The following PYY variants were observed in gnomAD, a reference collection of about 807,000 sequenced individuals.
PYY encodes the protein peptide tyrosine tyrosine.
PYY carries 12 observed loss-of-function variants against 10.3 expected under a neutral mutation model. That is an observed-to-expected ratio of 1.17 (90% CI 0.75 to 1.89). The LOEUF is 1.89. Ranked by LOEUF, PYY falls within the 40% of genes most tolerant of loss-of-function variation. The pLI, the probability that PYY is intolerant of heterozygous loss-of-function variation, is 0.00. For synonymous variants in PYY, 66 were observed against 62.0 expected, an observed-to-expected ratio of 1.06 and a Z score of -0.30; for missense variants, 141 against 134.0, an observed-to-expected ratio of 1.05 and a Z score of -0.26.
At chr17:43,992,759 G>A (rs919658097) in intron 1 of PYY, among the ~76,000 whole-genome samples, 3 of 152,068 alleles carry the variant, frequency 2.0e-5, no homozygotes, top group Non-Finnish European at 2.9e-5. Flanking sequence ...GGTGGCAGGC[G>A]CCTGTAATCC....
intron 1 of PYY, among the ~76,000 whole-genome samples, chr17:44,002,031 G>A (rs1023883680): frequency 6.6e-6 from 1 of 152,198 alleles, no homozygotes; most frequent in South Asian, 2.1e-4. Flanking sequence ...AGTAAAGAGG[G>A]AAGAGAAAGA....
At chr17:43,966,816 T>C (rs58895551) in intron 1 of PYY, among the ~76,000 whole-genome samples, 1 of 152,216 alleles carries the variant, frequency 6.6e-6, no homozygotes, top group Non-Finnish European at 1.5e-5. Context: ...GAATAATGTG[T>C]GATACATGGT....
In PYY at chr17:43,976,276, T is replaced by TATACACATATGTATACATGTATAC. The variant is rs1217188677; in HGVS notation, c.-462-9745_-462-9744insGTATACATGTATACATATGTGTAT. 2.0e-3 allele frequency among the ~76,000 whole-genome samples: 289 copies of TATACACATATGTATACATGTATAC among 146,262 alleles called. 22 individuals are homozygous for TATACACATATGTATACATGTATAC. The highest frequency in any genetic ancestry group is 2.9e-3 in the Non-Finnish European group (191 of 66,846). On this transcript the variant is annotated intron_variant, in intron 1 of 6. Coordinates refer to the PYY transcript ENST00000360085. ...ATGTATACATGTATACATGTACGTATATATACGCATATGTATACATGTATA... is the reference window on the plus strand; with the variant it reads ...ATGTATACATGTATACATGTACGTATATACACATATGTATACATGTATACATATACGCATATGTATACATGTATA...
rs191121073 is a variant in PYY at position 43,967,672 on chromosome 17, C to T, written c.-462-1140G>A. Among the ~76,000 whole-genome samples, 66 of 152,328 alleles carry T rather than the reference C, an allele frequency of 4.3e-4. No individual in the cohort carries two copies. In the South Asian group the frequency reaches 0.011, roughly 26 times the overall value. On this transcript the variant is annotated intron_variant, in intron 1 of 6. Transcript: ENST00000360085. ...GATGAGATGGAGTAAGCAGCCTCCA[C>T]CCTGTCTCTCCTGCTGAATGCTGCT...
At chr17:43,999,314 C>T (rs187904835) in intron 1 of PYY, among the ~76,000 whole-genome samples, 7 of 151,906 alleles carry the variant, frequency 4.6e-5, no homozygotes, top group Non-Finnish European at 8.8e-5. Context: ...TAAGGGAGAA[C>T]GAGAGGGAGG....
At chr17:43,968,229 T>C (rs1206091272) in intron 1 of PYY, among the ~76,000 whole-genome samples, 4 of 152,080 alleles carry the variant, frequency 2.6e-5, no homozygotes, top group African/African-American at 9.7e-5. Context: ...AAAACAGTTG[T>C]AGTCCCAAGA....
At chr17:43,979,189 A>G (rs1198276994) in intron 1 of PYY, among the ~76,000 whole-genome samples, 1 of 152,234 alleles carries the variant, frequency 6.6e-6, no homozygotes, top group East Asian at 1.9e-4. Flanking sequence ...CAGCAGCAGC[A>G]TCACTTGGCG....
chr17:43,968,739 G>T (rs1348953038), intron 1 of PYY, among the ~76,000 whole-genome samples: 1 of 152,152 alleles, frequency 6.6e-6, no homozygotes, highest in East Asian at 1.9e-4. Context: ...TTGAACCCAG[G>T]AGGCAGACGT....
chr17:43,959,527 C>T (rs866157586), intron 2 of PYY, among the ~76,000 whole-genome samples: 1 of 152,076 alleles, frequency 6.6e-6, no homozygotes, highest in Admixed American at 6.5e-5. Flanking sequence ...ACTAAAAATA[C>T]AAAAATTAGC....
chr17:43,983,961 G>T (rs953558112), intron 1 of PYY, among the ~76,000 whole-genome samples: 1 of 152,230 alleles, frequency 6.6e-6, no homozygotes, highest in African/African-American at 2.4e-5. Flanking sequence ...CCAGCGGGGC[G>T]CAGCGGTCGC....
upstream of PYY, among the ~76,000 whole-genome samples, chr17:43,958,623 G>A (rs948140640): frequency 3.3e-5 from 5 of 152,100 alleles, no homozygotes; most frequent in African/African-American, 9.7e-5. Flanking sequence ...CAAGTGATCC[G>A]CCTGCCTTGG....
intron 1 of PYY, 111 bp from the exon 2 acceptor site, chr17:43,953,594 G>T: frequency 9.5e-7 from 1 of 1,052,308 alleles, no homozygotes; most frequent in Non-Finnish European, 1.3e-6. Context: ...GGCTGGTACC[G>T]GACCAAGGCT....
At chr17:43,982,466 T>C (rs1255474599) in intron 1 of PYY, among the ~76,000 whole-genome samples, 1 of 152,238 alleles carries the variant, frequency 6.6e-6, no homozygotes, top group African/African-American at 2.4e-5. Flanking sequence ...GTGTGAACCA[T>C]GCCCCTAGAT....
chr17:43,969,287 G>A (rs1405512493), intron 1 of PYY, among the ~76,000 whole-genome samples: 5 of 151,694 alleles, frequency 3.3e-5, no homozygotes, highest in African/African-American at 7.3e-5. Flanking sequence ...AGGCCGAGGC[G>A]GGTGGATCAC....
intron 1 of PYY, among the ~76,000 whole-genome samples, chr17:43,967,724 G>A (rs1406307425): frequency 6.6e-6 from 1 of 152,202 alleles, no homozygotes. Flanking sequence ...CACGCACGGG[G>A]CAGCTCTCTG....
intron 2 of PYY, among the ~76,000 whole-genome samples, chr17:43,963,476 C>G (rs2048726106): frequency 6.9e-6 from 1 of 145,910 alleles, no homozygotes; most frequent in African/African-American, 2.5e-5. Flanking sequence ...CCATTGCACT[C>G]CAGCCTGGGC....
chr17:43,969,512 T>C (rs1663370302), intron 1 of PYY, among the ~76,000 whole-genome samples: 1 of 61,086 alleles, frequency 1.6e-5, no homozygotes, highest in African/African-American at 6.5e-5. Flanking sequence ...CAAGACTCTG[T>C]CTCAAAAAAA....
In PYY at chr17:43,953,932, G is replaced by C. The variant is rs1423373917; in HGVS notation, c.-83C>G. Reference sequence around the variant, plus strand: ...CTGCACTGCCGCAGGTCAAGCTGAGGCCTCCTCTGCTCAGCGCTTTCCTTG... The same window carrying C: ...CTGCACTGCCGCAGGTCAAGCTGAGCCCTCCTCTGCTCAGCGCTTTCCTTG... On this transcript the variant is annotated 5_prime_UTR_variant, in exon 1 of 4. Transcript: ENST00000692052. The C allele has an allele frequency of 6.4e-6, 1 of 157,284 alleles. No individual in the cohort carries two copies. The highest frequency in any genetic ancestry group is 1.4e-5 in the Non-Finnish European group (1 of 70,272). 9.7% of individuals were successfully genotyped at this position (157,284 alleles called of 1,614,324 possible). A position where few individuals can be genotyped will look rare whatever the true frequency, so the allele number is the denominator to read the frequency against.
intron 1 of PYY, among the ~76,000 whole-genome samples, chr17:43,970,693 C>A (rs1220665613): frequency 2.6e-5 from 4 of 152,178 alleles, no homozygotes; most frequent in African/African-American, 9.6e-5. Context: ...CACAGAAGGA[C>A]TGTATCACTC....
Sources: allele counts gnomAD v4.1 joint callset (sites outside exome capture counted in the v4.1 genomes callset), GRCh38; gene constraint gnomAD v4.1.1; transcripts MANE v1.5; gene names NCBI Gene and HGNC (gene_info 2026-07-23, HGNC 2026-07-21).